NBPF11: variants seen among roughly 807,000 people sequenced by gnomAD.
NBPF11 encodes the protein NBPF family member NBPF11.
In NBPF11, 72 loss-of-function variants were observed where a neutral mutation model predicts 93.9. The ratio of observed to expected loss-of-function variants is 0.77; its 90% CI spans 0.63 to 0.93. The LOEUF is 0.93. Among genes scored for constraint, NBPF11 ranks in the 40% least tolerant of loss-of-function variants. The pLI, the probability that NBPF11 is intolerant of heterozygous loss-of-function variation, is 0.00. For synonymous variants in NBPF11, 224 were observed against 304.9 expected (o/e 0.73, Z 2.76); for missense variants, 705 against 802.2 (o/e 0.88, Z 1.46).
At chr1:148,123,213 T>C (rs1553271993) in intron 7 of NBPF11, among the ~76,000 whole-genome samples, 1 of 152,076 alleles carries the variant, frequency 6.6e-6, no homozygotes, top group East Asian at 1.9e-4. Flanking sequence ...CTATGCGTCA[T>C]GAGACTGCAC....
intron 2 of NBPF11, among the ~76,000 whole-genome samples, chr1:148,139,364 T>C (rs1174899776): frequency 6.9e-6 from 1 of 144,514 alleles, no homozygotes; most frequent in Non-Finnish European, 1.5e-5. Context: ...AATAGTCCAC[T>C]ACATAAAGTC....
chr1:148,150,509 T>C (rs1371821741), intron 1 of NBPF11, among the ~76,000 whole-genome samples: 6 of 144,506 alleles, frequency 4.2e-5, no homozygotes, highest in African/African-American at 1.5e-4. Flanking sequence ...CATTTTAGAA[T>C]AGAAAAAAAA....
In NBPF11 at chr1:148,126,884, C is replaced by A. The variant is rs1553273256; in HGVS notation, c.120G>T (p.Glu40Asp). 10 of 1,458,066 alleles carry A rather than the reference C, an allele frequency of 6.9e-6. No individual in the cohort carries two copies. Among genetic ancestry groups the A allele is most frequent in the Non-Finnish European group, 9.5e-6 (10 of 1,053,348 alleles). The allele number at this position is 1,458,066 out of a possible 1,614,324, so 90.3% of individuals were successfully genotyped here. ...CGGCCAGTTGAGTTAGAAAACATCT[C>A]TCTTTGAGGTTTCTGAACTGCTGTT... is the stretch of plus-strand genomic sequence containing the variant. Reference protein sequence around the residue: ...ENKQQFRNLKERCFLTQLAGF... With the variant: ...ENKQQFRNLKDRCFLTQLAGF... Residue 40 changes from glutamate (E) to aspartate (D), a missense_variant, in exon 5 of 24, where the codon GAG becomes GAT. Physicochemically the swap from Glu to Asp is conservative, Grantham distance 45 (BLOSUM62 2). Transcript: ENST00000682118.
chr1:148,111,529 C>T (rs1237610003), intron 15 of NBPF11, among the ~76,000 whole-genome samples: 2 of 151,748 alleles, frequency 1.3e-5, no homozygotes, highest in Non-Finnish European at 2.9e-5. Context: ...GAATGGCTAA[C>T]CAGAATGAAC....
intron 8 of NBPF11, 127 bp from the exon 9 acceptor site, chr1:148,122,393 T>TC: frequency 2.0e-6 from 3 of 1,487,538 alleles, no homozygotes; most frequent in Non-Finnish European, 2.8e-6. Flanking sequence ...GGAGGTTCCC[T>TC]TTAAGAGGGA....
chr1:148,140,202 G>GT (rs1671955199), intron 2 of NBPF11, among the ~76,000 whole-genome samples: 1 of 151,954 alleles, frequency 6.6e-6, no homozygotes, highest in Non-Finnish European at 1.5e-5. Flanking sequence ...TCCAACTAGT[G>GT]GTGCTAGAAC....
rs2149228564 is a variant in NBPF11, at chr1:148,120,536, A to G, written c.953T>C (p.Val318Ala). ...CTGCTGCTTGGCCAGGAAGCAGGCC[A>G]CTTGAGTTACAAAACATTTCTCTTT... ...SLKEKCFVTQ[V>A]ACFLAKQQNK... The change falls in exon 10 of 24, where the codon GTG becomes GCG. Residue 318 changes from valine to alanine, a missense_variant. Physicochemically the swap from Val to Ala is moderately conservative, Grantham distance 64. Transcript: ENST00000682118. The G allele has an allele frequency of 1.0e-6, 1 of 974,108 alleles. No homozygotes were observed. The highest frequency in any genetic ancestry group is 2.4e-5 in the East Asian group (1 of 42,088). 60.3% of individuals were successfully genotyped at this position (974,108 alleles called of 1,614,324 possible). A position where few individuals can be genotyped will look rare whatever the true frequency, so the allele number is the denominator to read the frequency against.
chr1:148,120,441 C>A, intron 10 of NBPF11, 60 bp downstream of exon 10: 1 of 822,510 alleles, frequency 1.2e-6, no homozygotes, highest in Non-Finnish European at 2.2e-6. Context: ...CACTTAGTTT[C>A]TCAGAGAGAA....
chr1:148,123,744 T>G lies in NBPF11; in HGVS notation c.493+109A>C. 1.9e-6 allele frequency: 3 copies of G among 1,609,492 alleles called. No individual in the cohort carries two copies. In the South Asian group the frequency reaches 3.3e-5, roughly 18 times the overall value. On this transcript the variant is annotated intron_variant, in intron 7 of 23. Coordinates refer to ENST00000682118, the MANE Select transcript of NBPF11 (RefSeq NM_001385469.3). ...CCTGATCATGTCATGGCCACATATG[T>G]GTAGTAGAAAAAAACCCCACTGATA...
intron 11 of NBPF11, among the ~76,000 whole-genome samples, chr1:148,118,029 C>T (rs1248610167): frequency 2.0e-5 from 3 of 151,916 alleles, no homozygotes; most frequent in Non-Finnish European, 2.9e-5. Flanking sequence ...CTTCTGTAAA[C>T]AAAAGTAGGT....
intron 4 of NBPF11, 116 bp from the exon 5 acceptor site, chr1:148,127,154 G>A: frequency 5.0e-6 from 2 of 401,290 alleles, no homozygotes; most frequent in Non-Finnish European, 8.3e-6. Context: ...TGTGAAAAAT[G>A]TGATCACTCC....
intron 1 of NBPF11, among the ~76,000 whole-genome samples, chr1:148,145,999 T>C (rs1553276746): frequency 6.6e-6 from 1 of 152,086 alleles, no homozygotes; most frequent in Non-Finnish European, 1.5e-5. Context: ...AAAGGATGCA[T>C]ATCCAGAATA....
At chr1:148,141,146 A>AGAG (rs1395122380) in intron 2 of NBPF11, among the ~76,000 whole-genome samples, 1 of 151,876 alleles carries the variant, frequency 6.6e-6, no homozygotes, top group East Asian at 1.9e-4. Flanking sequence ...GGGGTGGAGG[A>AGAG]GAGGAGGAGG....
rs1207757953 is a variant in NBPF11, at chr1:148,105,419, T to A, written c.2413A>T (p.Thr805Ser). ...CTCCAATGCATAAAAGGAACTTCCG[T>A]AGGGCTGGCAGGAGTCAGGCTGTTC... ...VLNSLTPASP[T>S]EVPFMHWRKN... Residue 805 changes from threonine to serine, a missense_variant, in exon 22 of 24, where the codon ACG becomes TCG. By Grantham distance (58) the Thr-to-Ser change is moderately conservative. Coordinates refer to ENST00000682118, the MANE Select transcript of NBPF11 (RefSeq NM_001385469.3). 65 of 1,117,744 alleles carry A rather than the reference T, an allele frequency of 5.8e-5. 1 individual carries two copies. The highest frequency in any genetic ancestry group is 6.7e-6 in the Non-Finnish European group (5 of 741,918). The allele number at this position is 1,117,744 out of a possible 1,614,324, so 69.2% of individuals were successfully genotyped here.
intron 2 of NBPF11, among the ~76,000 whole-genome samples, chr1:148,138,530 G>A (rs1671704257): frequency 1.3e-5 from 2 of 151,760 alleles, no homozygotes; most frequent in African/African-American, 2.4e-5. Flanking sequence ...TGTGTCTCTG[G>A]GTACTTGAGA....
chr1:148,127,960 C>A (rs1276031140), intron 4 of NBPF11, among the ~76,000 whole-genome samples: 16 of 151,738 alleles, frequency 1.1e-4, no homozygotes, highest in African/African-American at 3.6e-4. Flanking sequence ...CGGCCGACTT[C>A]TCTTTACTCA....
chr1:148,151,477 T>A (rs1648308495), intron 1 of NBPF11, among the ~76,000 whole-genome samples: 2 of 151,958 alleles, frequency 1.3e-5, no homozygotes, highest in South Asian at 4.2e-4. Flanking sequence ...AGCTGCTCCG[T>A]CCCTCCACCC....
intron 12 of NBPF11, 146 bp from the exon 13 acceptor site, chr1:148,116,681 C>G: frequency 1.7e-6 from 1 of 594,980 alleles, no homozygotes; most frequent in Non-Finnish European, 3.0e-6. Flanking sequence ...AACAGAATGC[C>G]CTGGCATGGT....
intron 21 of NBPF11, among the ~76,000 whole-genome samples, chr1:148,105,974 C>T (rs1169417356): frequency 6.9e-6 from 1 of 145,154 alleles, no homozygotes; most frequent in Non-Finnish European, 1.5e-5. Flanking sequence ...AAGTCTGGTC[C>T]ACCTGCAGTA....
Sources: allele counts gnomAD v4.1 joint callset (sites outside exome capture counted in the v4.1 genomes callset), GRCh38; gene constraint gnomAD v4.1.1; transcripts MANE v1.5; gene names NCBI Gene and HGNC (gene_info 2026-07-23, HGNC 2026-07-21).